The following SNX29 variants were observed in gnomAD, a reference collection of about 807,000 sequenced individuals.
The protein encoded by SNX29 is sorting nexin 29, also known as sorting nexin-29.
SNX29 carries 78 observed loss-of-function variants against 102.1 expected under a neutral mutation model. The observed-to-expected ratio is 0.76, with a 90% CI of 0.64 to 0.92. SNX29 has a LOEUF of 0.92. Among genes scored for constraint, SNX29 ranks in the 40% least tolerant of loss-of-function variants. SNX29 has a pLI of 0.00. For synonymous variants in SNX29, 580 were observed against 414.5 expected (o/e 1.40, Z -4.85); for missense variants, 1,280 against 1,061.7 (o/e 1.21, Z -2.86).
chr16:12,506,923 A>G (rs550127219), intron 19 of SNX29, among the ~76,000 whole-genome samples: 1 of 151,890 alleles, frequency 6.6e-6, no homozygotes, highest in African/African-American at 2.4e-5. Flanking sequence ...ATCACCACTC[A>G]TTTTTGCATT....
At chr16:12,201,033 A>G (rs1354615771) in intron 14 of SNX29, among the ~76,000 whole-genome samples, 1 of 152,216 alleles carries the variant, frequency 6.6e-6, no homozygotes, top group African/African-American at 2.4e-5. Flanking sequence ...GTAATAGTAT[A>G]AAGATGTGAA....
At chr16:12,390,546 A>C (rs919823651) in intron 16 of SNX29, among the ~76,000 whole-genome samples, 1 of 152,178 alleles carries the variant, frequency 6.6e-6, no homozygotes, top group South Asian at 2.1e-4. Flanking sequence ...AATGGAATGT[A>C]GTGCAAATCT....
chr16:12,068,930 G>C (rs1200251208), intron 9 of SNX29, 127 bp from the exon 10 acceptor site: 1 of 791,686 alleles, frequency 1.3e-6, no homozygotes, highest in Non-Finnish European at 2.1e-6. Flanking sequence ...GCTTGCAGGA[G>C]AGATGGAGAA....
intron 10 of SNX29, among the ~76,000 whole-genome samples, chr16:12,075,779 C>T (rs1014308006): frequency 1.3e-5 from 2 of 152,126 alleles, no homozygotes; most frequent in Admixed American, 1.3e-4. Flanking sequence ...GTGGAGCCTA[C>T]AGAGGCAGGC....
intron 16 of SNX29, among the ~76,000 whole-genome samples, chr16:12,356,493 C>T (rs547674628): frequency 2.0e-5 from 3 of 152,246 alleles, no homozygotes; most frequent in Admixed American, 6.5e-5. Context: ...CCTGTTTCTC[C>T]TTCTAGTCAT....
intron 16 of SNX29, among the ~76,000 whole-genome samples, chr16:12,382,765 C>T (rs185653077): frequency 1.8e-3 from 281 of 152,272 alleles, no homozygotes; most frequent in Admixed American, 3.3e-3. Flanking sequence ...CTTCTAGCCT[C>T]GGGTGGCTCC....
chr16:12,445,467 C>T (rs1306335569), intron 18 of SNX29, among the ~76,000 whole-genome samples: 1 of 152,214 alleles, frequency 6.6e-6, no homozygotes, highest in African/African-American at 2.4e-5. Context: ...GAGGGTAGGG[C>T]TCTCTCATCC....
At chr16:12,033,639 A>T in intron 4 of SNX29, among the ~76,000 whole-genome samples, 1 of 142,284 alleles carries the variant, frequency 7.0e-6, no homozygotes, top group African/African-American at 2.6e-5. Context: ...ATGGAGTCTG[A>T]TCTGTTGCCC....
At chr16:12,413,991 G>A (rs2084518628) in intron 18 of SNX29, among the ~76,000 whole-genome samples, 1 of 152,182 alleles carries the variant, frequency 6.6e-6, no homozygotes. Flanking sequence ...TAACCTAAGT[G>A]CATCCTCCTG....
intron 19 of SNX29, among the ~76,000 whole-genome samples, chr16:12,503,874 C>CT (rs903838295): frequency 6.6e-6 from 1 of 152,180 alleles, no homozygotes; most frequent in Non-Finnish European, 1.5e-5. Flanking sequence ...TGTGTCCATT[C>CT]TTTTTTTAAA....
chr16:12,214,908 G>C (rs1435404794), intron 14 of SNX29, among the ~76,000 whole-genome samples: 1 of 152,174 alleles, frequency 6.6e-6, no homozygotes, highest in East Asian at 1.9e-4. Flanking sequence ...TGTGGTGACA[G>C]ATTCAAGAAA....
intron 15 of SNX29, among the ~76,000 whole-genome samples, chr16:12,300,630 G>A (rs2080138423): frequency 6.6e-6 from 1 of 152,188 alleles, no homozygotes; most frequent in African/African-American, 2.4e-5. Context: ...AGAAAAACAA[G>A]CTGTTGAGAA....
intron 20 of SNX29, chr16:12,545,362 A>T (rs1027689831): frequency 1.3e-5 from 2 of 152,184 alleles, no homozygotes; most frequent in Admixed American, 6.5e-5. Context: ...ATACAGAGTG[A>T]CAACCCATTG....
intron 16 of SNX29, among the ~76,000 whole-genome samples, chr16:12,394,367 C>G (rs1488480391): frequency 1.3e-5 from 2 of 152,218 alleles, no homozygotes; most frequent in Non-Finnish European, 2.9e-5. Flanking sequence ...AGAGCAGGCT[C>G]TGGAGCCAGA....
intron 14 of SNX29, among the ~76,000 whole-genome samples, chr16:12,217,204 GA>G (rs1183471341): frequency 6.6e-6 from 1 of 152,094 alleles, no homozygotes; most frequent in Non-Finnish European, 1.5e-5. Flanking sequence ...ATTTTTTGTA[GA>G]GACAGGGTCT....
intron 18 of SNX29, among the ~76,000 whole-genome samples, chr16:12,419,972 GCT>G (rs1211504213): frequency 6.6e-6 from 1 of 152,254 alleles, no homozygotes; most frequent in Non-Finnish European, 1.5e-5. Flanking sequence ...GCTGCCCACA[GCT>G]CAGGCTCGGC....
chr16:12,571,263 A>G lies in SNX29; in HGVS notation c.*2634A>G, dbSNP rs1393983051. 4 of 231,844 alleles carry G rather than the reference A, an allele frequency of 1.7e-5. No homozygotes were observed. The South Asian group carries it at 5.4e-4, about 32-fold the overall frequency. The allele number at this position is 231,844 out of a possible 1,614,324, so 14.4% of individuals were successfully genotyped here. A position where few individuals can be genotyped will look rare whatever the true frequency, so the allele number is the denominator to read the frequency against. On this transcript the variant is annotated 3_prime_UTR_variant, in exon 21 of 21. Transcript: ENST00000566228. ...AGCAGAAACACCCAGGCCTAGCAGA[A>G]TTGTGGCTGAAACCTGGTGCCCAAA...
rs145489471 is a variant in SNX29, at chr16:12,008,980, G to T, written c.122+5937G>T. Among the ~76,000 whole-genome samples, 749 of 152,014 alleles carry T rather than the reference G, an allele frequency of 4.9e-3. 2 individuals are homozygous for T. Among genetic ancestry groups the T allele is most frequent in the Middle Eastern group, 0.01 (3 of 290 alleles). On this transcript the variant is annotated intron_variant, in intron 3 of 20. Transcript: ENST00000566228. ...TGGTCTTAAACACCTGACCTCAAGTGATCCACCTGCCTCAGCCTCCCAAAC... is the reference window on the plus strand; with the variant it reads ...TGGTCTTAAACACCTGACCTCAAGTTATCCACCTGCCTCAGCCTCCCAAAC...
chr16:12,284,801 T>C (rs1387721373), intron 15 of SNX29, among the ~76,000 whole-genome samples: 1 of 151,802 alleles, frequency 6.6e-6, no homozygotes, highest in Non-Finnish European at 1.5e-5. Flanking sequence ...CTCAGCTCAC[T>C]GCAACCTCTG....
Sources: gnomAD v4.1 joint callset for allele counts (sites outside exome capture counted in the v4.1 genomes callset) on GRCh38, gnomAD v4.1.1 for gene constraint, MANE v1.5 for transcripts, NCBI Gene and HGNC (gene_info 2026-07-23, HGNC 2026-07-21) for gene names.